Variants in TMEM170A observed in about 807,000 individuals in gnomAD.
TMEM170A encodes transmembrane protein 170A.
TMEM170A carries 18 observed loss-of-function variants against 12.8 expected under a neutral mutation model. The ratio of observed to expected loss-of-function variants is 1.41; its 90% CI spans 0.97 to 2.09. TMEM170A has a LOEUF of 2.09. TMEM170A is among the 30% of genes most tolerant of loss of function. TMEM170A has a pLI of 0.00. For synonymous variants in TMEM170A, 107 were observed against 76.2 expected (o/e 1.40, Z -2.11); for missense variants, 220 against 179.9 (o/e 1.22, Z -1.28).
chr16:75,451,646 T>C (rs1215942231), intron 2 of TMEM170A, 23 bp downstream of exon 2: 1 of 1,612,350 alleles, frequency 6.2e-7, no homozygotes, highest in Non-Finnish European at 8.5e-7. Flanking sequence ...CATTTTTGAC[T>C]GGTATTTTAA....
chr16:75,460,325 T>C, intron 1 of TMEM170A, among the ~76,000 whole-genome samples: 1 of 152,302 alleles, frequency 6.6e-6, no homozygotes, highest in African/African-American at 2.4e-5. Flanking sequence ...TGTACACTTT[T>C]TTAAAAAGTC....
intron 1 of TMEM170A, among the ~76,000 whole-genome samples, chr16:75,456,010 G>T (rs1284952373): frequency 6.6e-6 from 1 of 152,086 alleles, no homozygotes; most frequent in Non-Finnish European, 1.5e-5. Context: ...GAAAACCACA[G>T]TTTTATGAAG....
intron 1 of TMEM170A, 152 bp downstream of exon 1, chr16:75,464,316 C>T: frequency 2.1e-6 from 3 of 1,453,164 alleles, no homozygotes; most frequent in East Asian, 3.0e-5. Flanking sequence ...GGGAAAGGGG[C>T]TCCGGGCGAG....
chr16:75,452,295 G>T (rs2079703546), intron 1 of TMEM170A, among the ~76,000 whole-genome samples: 1 of 151,794 alleles, frequency 6.6e-6, no homozygotes, highest in Non-Finnish European at 1.5e-5. Flanking sequence ...TAAAGACGGG[G>T]TCTCACTCCG....
At chr16:75,456,630 T>C (rs888655271) in intron 1 of TMEM170A, among the ~76,000 whole-genome samples, 2 of 152,196 alleles carry the variant, frequency 1.3e-5, no homozygotes, top group Non-Finnish European at 2.9e-5. Context: ...TAGCCGCCAT[T>C]AGGCCAGGAG....
chr16:75,452,945 T>C (rs761400140), intron 1 of TMEM170A, among the ~76,000 whole-genome samples: 30 of 152,284 alleles, frequency 2.0e-4, no homozygotes, highest in East Asian at 7.7e-4. Flanking sequence ...ATTCAACCCA[T>C]GCCCTTTCAT....
rs1746795862 is a variant in TMEM170A, at chr16:75,444,719, T to G, written c.*2839A>C. The G allele has an allele frequency of 6.6e-6, 1 of 152,052 alleles. No individual in the cohort carries two copies. The allele number at this position is 152,052 out of a possible 1,614,324, so 9.4% of individuals were successfully genotyped here. A position where few individuals can be genotyped will look rare whatever the true frequency, so the allele number is the denominator to read the frequency against. ...AAGCTATTTAAAATCTATATATATA[T>G]ATAGATTTATTCACTGGAGAATACT... On this transcript the variant is annotated 3_prime_UTR_variant, in exon 3 of 3. Transcript: ENST00000561878.
chr16:75,461,766 T>C (rs1444120924), intron 1 of TMEM170A, among the ~76,000 whole-genome samples: 1 of 152,234 alleles, frequency 6.6e-6, no homozygotes, highest in African/African-American at 2.4e-5. Context: ...CTTGGCCAAA[T>C]GTATACTTAC....
chr16:75,447,512 G>A lies in TMEM170A; in HGVS notation c.*46C>T. ...ACACTCCATAATGTATTCTTTTGGA[G>A]GATTCCATAAAGTTTAAGTTCAACA... On this transcript the variant is annotated 3_prime_UTR_variant, in exon 3 of 3. Coordinates refer to ENST00000561878, the MANE Select transcript of TMEM170A (RefSeq NM_145254.3). 2 of 1,569,444 alleles carry A rather than the reference G, an allele frequency of 1.3e-6. No individual in the cohort carries two copies. The highest frequency in any genetic ancestry group is 1.7e-6 in the Non-Finnish European group (2 of 1,161,768).
rs546389742 is a variant in TMEM170A, at chr16:75,463,057, G to A, written c.133+1411C>T. 2.9e-4 allele frequency among the ~76,000 whole-genome samples: 44 copies of A among 152,144 alleles called. 1 individual carries two copies. The South Asian group carries it at 6.8e-3, about 24-fold the overall frequency. ...ACATGTGGTTATATATATAGAGAGA[G>A]AGAAAGAGAGCAGAGAGAGAGAAAG... On this transcript the variant is annotated intron_variant, in intron 1 of 2. Coordinates refer to ENST00000561878, the MANE Select transcript of TMEM170A (RefSeq NM_145254.3).
At chr16:75,451,075 G>T (rs2079672439) in intron 2 of TMEM170A, among the ~76,000 whole-genome samples, 1 of 152,168 alleles carries the variant, frequency 6.6e-6, no homozygotes, top group Admixed American at 6.5e-5. Context: ...TAGCTGATCA[G>T]AGAGGAGAAG....
chr16:75,452,830 GACCCACC>G (rs2079713906), intron 1 of TMEM170A: 1 of 152,154 alleles, frequency 6.6e-6, no homozygotes, highest in African/African-American at 2.4e-5. Flanking sequence ...ACTGCCTACA[GACCCACC>G]ACCTGTTTTT....
intron 1 of TMEM170A, chr16:75,458,794 G>A (rs1330954076): frequency 6.6e-6 from 1 of 152,156 alleles, no homozygotes; most frequent in Non-Finnish European, 1.5e-5. Flanking sequence ...AATATACATT[G>A]ATCTCATTCT....
Position 75,447,601 on chromosome 16 carries a change from C to G in TMEM170A, c.392G>C (p.Cys131Ser). 1 of 1,611,952 alleles carries G rather than the reference C, an allele frequency of 6.2e-7. No homozygotes were observed. Reference sequence around the variant, plus strand: ...CCGTAAAAAGGAGACCACCAAGACGCAAAATGTCTGTCCAGTGCCCAGTGT... The same window carrying G: ...CCGTAAAAAGGAGACCACCAAGACGGAAAATGTCTGTCCAGTGCCCAGTGT... ...ALTLGTGQTF[C>S]VLVVSFLRIL... The change falls in exon 3 of 3, where the codon TGC becomes TCC. Residue 131 changes from cysteine (C) to serine (S), a missense_variant. Transcript: ENST00000561878.
rs1184040341 is a variant in TMEM170A at position 75,443,906 on chromosome 16, T to A, written c.*3652A>T. 3 of 152,064 alleles carry A rather than the reference T, an allele frequency of 2.0e-5. No individual in the cohort carries two copies. Among genetic ancestry groups the A allele is most frequent in the Non-Finnish European group, 2.9e-5 (2 of 68,042 alleles). 9.4% of individuals were successfully genotyped at this position (152,064 alleles called of 1,614,324 possible). A position where few individuals can be genotyped will look rare whatever the true frequency, so the allele number is the denominator to read the frequency against. On this transcript the variant is annotated 3_prime_UTR_variant, in exon 3 of 3. Coordinates refer to ENST00000561878, the MANE Select transcript of TMEM170A (RefSeq NM_145254.3). ...GAGTTTGAGACCAGCCTGTCCAACA[T>A]AATCAAACCCTGTCTCTACTAAAAA...
At chr16:75,464,202 C>T (rs901937314) in intron 1 of TMEM170A, 33 of 1,504,472 alleles carry the variant, frequency 2.2e-5, no homozygotes, top group African/African-American at 1.9e-4. Context: ...GCTCGGGTGG[C>T]GGCCGAGCGC....
rs941251219 is a variant in TMEM170A at position 75,444,718 on chromosome 16, A to ATC, written c.*2839_*2840insGA. 1.4e-4 allele frequency: 21 copies of ATC among 152,116 alleles called. No homozygotes were observed. The highest frequency in any genetic ancestry group is 2.5e-4 in the Non-Finnish European group (17 of 67,996). The allele number at this position is 152,116 out of a possible 1,614,324, so 9.4% of individuals were successfully genotyped here. ...CAAGCTATTTAAAATCTATATATAT[A>ATC]TATAGATTTATTCACTGGAGAATAC... On this transcript the variant is annotated 3_prime_UTR_variant, in exon 3 of 3. Coordinates refer to ENST00000561878, the MANE Select transcript of TMEM170A (RefSeq NM_145254.3).
In TMEM170A at chr16:75,464,456, G is replaced by A. The variant is rs1192277610; in HGVS notation, c.133+12C>T. ...CGGGGCGCGCAGTGCGCAGGCGCGG[G>A]GCGGGCCGTACCTGGGAAGGAGCAG... On this transcript the variant is annotated intron_variant, in intron 1 of 2. Transcript: ENST00000561878. 3.4e-6 allele frequency: 5 copies of A among 1,473,340 alleles called. No individual in the cohort carries two copies. 91.3% of individuals were successfully genotyped at this position (1,473,340 alleles called of 1,614,324 possible).
At chr16:75,461,800 G>C (rs892385060) in intron 1 of TMEM170A, among the ~76,000 whole-genome samples, 3 of 152,118 alleles carry the variant, frequency 2.0e-5, no homozygotes, top group Non-Finnish European at 4.4e-5. Flanking sequence ...TCTGGTAATC[G>C]ACATCACAAG....
Sources: gnomAD v4.1 joint callset for allele counts (sites outside exome capture counted in the v4.1 genomes callset) on GRCh38, gnomAD v4.1.1 for gene constraint, MANE v1.5 for transcripts, NCBI Gene and HGNC (gene_info 2026-07-23, HGNC 2026-07-21) for gene names.